AGBL4: variants seen among roughly 807,000 people sequenced by gnomAD.
The protein encoded by AGBL4 is AGBL carboxypeptidase 4, also known as cytosolic carboxypeptidase 6.
A neutral mutation model predicts 66.4 loss-of-function variants in AGBL4; 58 were observed. The observed-to-expected ratio is 0.87, with a 90% CI of 0.71 to 1.09. The LOEUF is 1.09. AGBL4 is among the 50% of genes least tolerant of loss of function. The pLI, the probability that AGBL4 is intolerant of heterozygous loss-of-function variation, is 0.00. For missense variants in AGBL4, 579 were observed against 631.0 expected (o/e 0.92, Z 0.88); for synonymous variants, 234 against 222.9 (o/e 1.05, Z -0.44).
chr1:49,009,389 G>T (rs1274354702), intron 5 of AGBL4, among the ~76,000 whole-genome samples: 1 of 150,274 alleles, frequency 6.7e-6, no homozygotes, highest in African/African-American at 2.4e-5. Context: ...ATAATCAATA[G>T]CTTACCAACC....
chr1:49,761,430 A>G (rs568364662), intron 2 of AGBL4, among the ~76,000 whole-genome samples: 2 of 152,304 alleles, frequency 1.3e-5, no homozygotes, highest in South Asian at 4.1e-4. Flanking sequence ...CTGTGAAATG[A>G]GCTCTAATCC....
intron 2 of AGBL4, among the ~76,000 whole-genome samples, chr1:49,716,573 T>C (rs1465707275): frequency 6.6e-6 from 1 of 152,070 alleles, no homozygotes; most frequent in African/African-American, 2.4e-5. Context: ...AAAAAGCTTA[T>C]CCATCACAAT....
At chr1:49,188,868 C>T (rs1020631457) in intron 4 of AGBL4, among the ~76,000 whole-genome samples, 13 of 152,190 alleles carry the variant, frequency 8.5e-5, no homozygotes, top group African/African-American at 1.7e-4. Flanking sequence ...TCACTTTTCT[C>T]GTTAATATCC....
intron 5 of AGBL4, among the ~76,000 whole-genome samples, chr1:48,998,280 C>T (rs1267272569): frequency 6.6e-6 from 1 of 152,130 alleles, no homozygotes; most frequent in African/African-American, 2.4e-5. Context: ...GCTCTGTGCT[C>T]TCTACTACAT....
chr1:49,242,667 G>C (rs1557760302), intron 4 of AGBL4, among the ~76,000 whole-genome samples: 1 of 151,922 alleles, frequency 6.6e-6, no homozygotes, highest in Non-Finnish European at 1.5e-5. Flanking sequence ...TGATGCTACA[G>C]AGCCCTAACC....
intron 2 of AGBL4, among the ~76,000 whole-genome samples, chr1:49,809,387 A>G (rs1461926233): frequency 7.0e-6 from 1 of 142,696 alleles, no homozygotes; most frequent in Non-Finnish European, 1.5e-5. Context: ...CACTATTCTT[A>G]AGAACCAAAA....
intron 6 of AGBL4, among the ~76,000 whole-genome samples, chr1:48,669,696 C>T (rs1211264762): frequency 6.6e-6 from 1 of 152,174 alleles, no homozygotes; most frequent in African/African-American, 2.4e-5. Context: ...TGTCCTCACC[C>T]TCCTCTGAAT....
At chr1:48,790,667 A>G (rs1225522589) in intron 6 of AGBL4, among the ~76,000 whole-genome samples, 9 of 152,226 alleles carry the variant, frequency 5.9e-5, no homozygotes, top group Admixed American at 2.6e-4. Flanking sequence ...CTCAATCTCA[A>G]GTACAACAGT....
intron 11 of AGBL4, among the ~76,000 whole-genome samples, chr1:48,582,773 G>A (rs767273357): frequency 6.6e-6 from 1 of 152,132 alleles, no homozygotes; most frequent in Non-Finnish European, 1.5e-5. Flanking sequence ...CCAGTACAAG[G>A]TCACACAGCC....
Position 49,151,572 on chromosome 1 carries a change from CAAAA to C in AGBL4, c.377+94194_377+94197del, listed in dbSNP as rs761946185. The stretch of plus-strand genomic sequence containing the variant: ...GAATTTGTGGAATTGTTGACAGTTA[CAAAA>C]AAAAAAAAAAACCTGGTAATTCTTT... On this transcript the variant is annotated intron_variant, in intron 4 of 13. Coordinates refer to ENST00000371839, the MANE Select transcript of AGBL4 (RefSeq NM_032785.4). Among the ~76,000 whole-genome samples, 4 of 78,662 alleles carry C rather than the reference CAAAA, an allele frequency of 5.1e-5. No individual in the cohort carries two copies. In the East Asian group the frequency reaches 1.4e-3, roughly 27 times the overall value. 51.6% of individuals were successfully genotyped at this position (78,662 alleles called of 152,430 possible).
chr1:49,896,651 AC>A, intron 1 of AGBL4, among the ~76,000 whole-genome samples: 3 of 144,558 alleles, frequency 2.1e-5, no homozygotes, highest in Non-Finnish European at 3.0e-5. Flanking sequence ...ACACACACAC[AC>A]ACAACTAAAT....
At chr1:49,264,997 C>A (rs1371977171) in intron 3 of AGBL4, among the ~76,000 whole-genome samples, 1 of 152,046 alleles carries the variant, frequency 6.6e-6, no homozygotes, top group East Asian at 1.9e-4. Context: ...TTTCATAATT[C>A]ATTTTGTTTA....
intron 3 of AGBL4, among the ~76,000 whole-genome samples, chr1:49,350,214 T>G (rs574871238): frequency 2.1e-3 from 325 of 151,446 alleles, no homozygotes; most frequent in Admixed American, 6.4e-3. Flanking sequence ...GTTTTGTTTT[T>G]TTTTTTTGAG....
intron 4 of AGBL4, among the ~76,000 whole-genome samples, chr1:49,151,153 C>T (rs754971747): frequency 1.6e-4 from 24 of 151,344 alleles, no homozygotes; most frequent in Admixed American, 3.3e-4. Context: ...CCTGTAGTCC[C>T]AGCTGCTGTG....
chr1:49,146,710 A>G (rs1243674983), intron 4 of AGBL4, among the ~76,000 whole-genome samples: 2 of 152,240 alleles, frequency 1.3e-5, no homozygotes, highest in Non-Finnish European at 2.9e-5. Context: ...TAAAACACTG[A>G]GAAGTGCCCC....
At chr1:49,940,038 G>A (rs1347189679) in intron 1 of AGBL4, among the ~76,000 whole-genome samples, 1 of 152,150 alleles carries the variant, frequency 6.6e-6, no homozygotes, top group Non-Finnish European at 1.5e-5. Flanking sequence ...AAAAGTGGGT[G>A]AAGGACATGA....
intron 3 of AGBL4, among the ~76,000 whole-genome samples, chr1:49,420,051 A>G (rs1645509785): frequency 6.6e-6 from 1 of 152,212 alleles, no homozygotes; most frequent in Non-Finnish European, 1.5e-5. Context: ...ATGAAGTTTA[A>G]GAAGCACTGA....
intron 9 of AGBL4, among the ~76,000 whole-genome samples, chr1:48,617,117 A>G (rs76681191): frequency 6.6e-6 from 1 of 152,232 alleles, no homozygotes; most frequent in African/African-American, 2.4e-5. Flanking sequence ...TGAGTGTTAG[A>G]AAGCAACCAT....
chr1:48,893,526 A>G (rs1053092393), intron 5 of AGBL4, among the ~76,000 whole-genome samples: 1 of 148,552 alleles, frequency 6.7e-6, no homozygotes, highest in African/African-American at 2.5e-5. Flanking sequence ...CTAAAAATAC[A>G]AAAAAAAAAT....
Sources: allele counts gnomAD v4.1 joint callset (sites outside exome capture counted in the v4.1 genomes callset), GRCh38; gene constraint gnomAD v4.1.1; transcripts MANE v1.5; gene names NCBI Gene and HGNC (gene_info 2026-07-23, HGNC 2026-07-21).